The following TRMT44 variants were observed in gnomAD, a reference collection of about 807,000 sequenced individuals.
TRMT44 encodes the protein tRNA methyltransferase 44 homolog.
TRMT44 carries 78 observed loss-of-function variants against 77.3 expected under a neutral mutation model. The observed-to-expected ratio is 1.01, with a 90% CI of 0.84 to 1.22. The LOEUF is 1.22. Among genes scored for constraint, TRMT44 ranks in the 50% most tolerant of loss-of-function variants. TRMT44 has a pLI of 0.00. For missense variants in TRMT44, 1,090 were observed against 964.4 expected, an observed-to-expected ratio of 1.13 and a Z score of -1.73; for synonymous variants, 391 against 383.3, an observed-to-expected ratio of 1.02 and a Z score of -0.23.
At chr4:8,496,135 A>G (rs1358711013), downstream of TRMT44, among the ~76,000 whole-genome samples, 2 of 152,244 alleles carry the variant, frequency 1.3e-5, no homozygotes, top group East Asian at 3.8e-4. Flanking sequence ...TGTCATTTGC[A>G]TAGAGTGAAG....
At chr4:8,494,985 C>T (rs1485928072), downstream of TRMT44, among the ~76,000 whole-genome samples, 1 of 152,076 alleles carries the variant, frequency 6.6e-6, no homozygotes. Flanking sequence ...GCATTAAACA[C>T]GGGTGAACGG....
the TRMT44 span, among the ~76,000 whole-genome samples, chr4:8,505,578 CGCTGCACTA>C: frequency 2.0e-4 from 30 of 152,214 alleles, no homozygotes; most frequent in Non-Finnish European, 3.4e-4. Context: ...GCCTGCCCTC[CGCTGCACTA>C]GCTGCACTGT....
downstream of TRMT44, among the ~76,000 whole-genome samples, chr4:8,495,393 G>A (rs1274806098): frequency 6.6e-6 from 1 of 152,202 alleles, no homozygotes; most frequent in African/African-American, 2.4e-5. Flanking sequence ...TCTTCCCTGT[G>A]AGGCCCTTGA....
At chr4:8,487,533 G>A (rs1727850666) in intron 2 of TRMT44, among the ~76,000 whole-genome samples, 1 of 151,374 alleles carries the variant, frequency 6.6e-6, no homozygotes, top group Non-Finnish European at 1.5e-5. Flanking sequence ...GGGTGTAGAG[G>A]TAAGAGGTCG....
At chr4:8,471,335 C>T in intron 10 of TRMT44, 135 bp downstream of exon 10, 1 of 604,110 alleles carries the variant, frequency 1.7e-6, no homozygotes, top group Non-Finnish European at 2.8e-6. Context: ...GGTGCCCCAC[C>T]CAGCTCTGAC....
the TRMT44 span, among the ~76,000 whole-genome samples, chr4:8,514,771 G>A: frequency 1.4e-4 from 22 of 152,228 alleles, no homozygotes; most frequent in Middle Eastern, 3.4e-3. Flanking sequence ...TGAGTTGAAC[G>A]GTTTTGATAC....
intron 2 of TRMT44, among the ~76,000 whole-genome samples, chr4:8,487,564 G>A (rs866951124): frequency 1.3e-5 from 2 of 151,842 alleles, no homozygotes; most frequent in African/African-American, 2.4e-5. Context: ...ATAAGGGATC[G>A]GGGTGCAGAG....
intron 10 of TRMT44, 58 bp downstream of exon 10, chr4:8,471,258 TAAA>T: frequency 8.2e-7 from 1 of 1,222,252 alleles, no homozygotes; most frequent in Non-Finnish European, 1.2e-6. Context: ...TTTTTTCAGT[TAAA>T]TAATGTTTTA....
chr4:8,449,949 CTTTTTTTTTTTTTTTT>C (rs745915221), intron 3 of TRMT44, 61 bp downstream of exon 3: 40 of 239,158 alleles, frequency 1.7e-4, no homozygotes, highest in Admixed American at 2.5e-4. Context: ...CTTTTCTTTT[CTTTTTTTTTTTTTTTT>C]TTTTTTTTTG....
Position 8,446,452 on chromosome 4 carries a change from T to C in TRMT44, c.620-24T>C. 6.9e-7 allele frequency: 1 copy of C among 1,456,226 alleles called. No homozygotes were observed. The highest frequency in any genetic ancestry group is 2.5e-5 in the East Asian group (1 of 40,522). 90.2% of individuals were successfully genotyped at this position (1,456,226 alleles called of 1,614,324 possible). A position where few individuals can be genotyped will look rare whatever the true frequency, so the allele number is the denominator to read the frequency against. The stretch of plus-strand genomic sequence containing the variant: ...ACGGTAGCTAGGCAGTTGTAATTTG[T>C]CCTTCTTCTCTTTTTCTTTCCAGAT... On this transcript the variant is annotated intron_variant, in intron 1 of 10. Coordinates refer to ENST00000389737, the MANE Select transcript of TRMT44 (RefSeq NM_152544.3). This position sits in a 1 kb window ranked among gnomAD's most constrained non-coding sequence, Gnocchi z 4.3.
In TRMT44 at chr4:8,475,657, T is replaced by C. The variant is rs578157468; in HGVS notation, c.2045-115T>C. The C allele has an allele frequency of 1.2e-4, 112 of 917,612 alleles. No homozygotes were observed. The African/African-American group carries it at 1.7e-3, about 14-fold the overall frequency. 56.8% of individuals were successfully genotyped at this position (917,612 alleles called of 1,614,324 possible). A position where few individuals can be genotyped will look rare whatever the true frequency, so the allele number is the denominator to read the frequency against. On this transcript the variant is annotated intron_variant, in intron 10 of 10. Transcript: ENST00000389737. ...CAGGAACTCTAGGCTGTGTTCCGGT[T>C]GTATCCCTGACCCTGGATTGGCACC...
At chr4:8,508,087 A>G in the TRMT44 span, among the ~76,000 whole-genome samples, 1 of 152,112 alleles carries the variant, frequency 6.6e-6, no homozygotes, top group Non-Finnish European at 1.5e-5. Context: ...TTGTATTTGT[A>G]GTAGAGATGG....
intron 2 of TRMT44, among the ~76,000 whole-genome samples, chr4:8,481,643 A>G (rs999156624): frequency 1.3e-5 from 2 of 152,168 alleles, no homozygotes; most frequent in African/African-American, 4.8e-5. Context: ...TTTATATTAT[A>G]TCAGCTTTTC....
At chr4:8,453,807 A>G (rs1238835426) in intron 5 of TRMT44, 1 of 152,278 alleles carries the variant, frequency 6.6e-6, no homozygotes, top group Non-Finnish European at 1.5e-5. Flanking sequence ...CCTGCAGCCC[A>G]ATATTGATGG....
At chr4:8,474,273 C>A (rs1272010811) in intron 10 of TRMT44, among the ~76,000 whole-genome samples, 2 of 152,234 alleles carry the variant, frequency 1.3e-5, no homozygotes, top group Admixed American at 6.5e-5. Flanking sequence ...GTTCCAGGTC[C>A]CTCAGTGGCC....
chr4:8,475,890 C>G lies in TRMT44; in HGVS notation c.2163C>G (p.Phe721Leu). 6.2e-7 allele frequency: 1 copy of G among 1,614,226 alleles called. No homozygotes were observed. Among genetic ancestry groups the G allele is most frequent in the Non-Finnish European group, 8.5e-7 (1 of 1,180,050 alleles). The stretch of plus-strand genomic sequence containing the variant: ...CCTGCAAAACCCGCCTCTGCTGGTT[C>G]TTCATGCATCACCCTGATGGCTGCG... ...SEACKTRLCWFFMHHPDGCAL... is the reference protein window; with the variant it reads ...SEACKTRLCWLFMHHPDGCAL... The change falls in exon 11 of 11, where the codon TTC becomes TTG. Residue 721 changes from phenylalanine (F) to leucine (L), a missense_variant. Transcript: ENST00000389737.
chr4:8,474,908 C>T (rs1311072769), intron 10 of TRMT44, among the ~76,000 whole-genome samples: 4 of 152,204 alleles, frequency 2.6e-5, no homozygotes. Context: ...GGGCCCACAG[C>T]AGCCCTCTCC....
At chr4:8,496,138 G>A, downstream of TRMT44, among the ~76,000 whole-genome samples, 1 of 152,342 alleles carries the variant, frequency 6.6e-6, no homozygotes, top group South Asian at 2.1e-4. Context: ...CATTTGCATA[G>A]AGTGAAGCAA....
chr4:8,489,444 G>C (rs1199584552), intron 2 of TRMT44, among the ~76,000 whole-genome samples: 1 of 150,502 alleles, frequency 6.6e-6, no homozygotes, highest in African/African-American at 2.4e-5. Flanking sequence ...TGGAAGACAG[G>C]CTGTAGTTTT....
Sources: allele counts gnomAD v4.1 joint callset (sites outside exome capture counted in the v4.1 genomes callset), GRCh38; gene constraint gnomAD v4.1.1; non-coding constraint Gnocchi (gnomAD v3.1); transcripts MANE v1.5; gene names NCBI Gene and HGNC (gene_info 2026-07-23, HGNC 2026-07-21).